Variants in LYN observed in about 807,000 individuals in gnomAD.
LYN encodes LYN proto-oncogene, Src family tyrosine kinase.
In LYN, 12 loss-of-function variants were observed where a neutral mutation model predicts 65.0. The observed-to-expected ratio is 0.18, with a 90% CI of 0.12 to 0.30. The LOEUF is 0.30. Among genes scored for constraint, LYN ranks in the 10% least tolerant of loss-of-function variants. The pLI is 1.00. For missense variants in LYN, 380 were observed against 623.2 expected (o/e 0.61, Z 4.16); for synonymous variants, 222 against 221.2 (o/e 1.00, Z -0.03).
intron 1 of LYN, among the ~76,000 whole-genome samples, chr8:55,931,262 T>C (rs919093670): frequency 6.7e-6 from 1 of 149,794 alleles, no homozygotes; most frequent in Non-Finnish European, 1.5e-5. Flanking sequence ...AATATGTATA[T>C]TGTTTACCTA....
intron 10 of LYN, among the ~76,000 whole-genome samples, chr8:55,992,120 C>T (rs892373863): frequency 1.1e-4 from 16 of 152,268 alleles, no homozygotes; most frequent in South Asian, 2.1e-4. Flanking sequence ...TCTTTGGTGT[C>T]GGCAGGTGGT....
intron 10 of LYN, among the ~76,000 whole-genome samples, chr8:55,995,250 G>A (rs917520401): frequency 2.0e-5 from 3 of 152,178 alleles, no homozygotes; most frequent in African/African-American, 7.2e-5. Flanking sequence ...GCCTTCACCT[G>A]GTTATCACCA....
intron 1 of LYN, among the ~76,000 whole-genome samples, chr8:55,926,717 G>A (rs1399703167): frequency 6.6e-6 from 1 of 152,232 alleles, no homozygotes; most frequent in African/African-American, 2.4e-5. Context: ...GCAACTTCTT[G>A]TAGAAATATT....
chr8:55,888,099 T>C (rs571204625), intron 1 of LYN, among the ~76,000 whole-genome samples: 40 of 152,306 alleles, frequency 2.6e-4, no homozygotes, highest in African/African-American at 9.1e-4. Flanking sequence ...TAGAACATTT[T>C]CTTAAAGAAC....
chr8:55,891,536 G>A (rs1330325885), intron 1 of LYN, among the ~76,000 whole-genome samples: 1 of 152,114 alleles, frequency 6.6e-6, no homozygotes, highest in East Asian at 1.9e-4. Flanking sequence ...GGGGCTTGAT[G>A]GGGGAGGGAA....
chr8:55,994,199 G>C (rs181139769), intron 10 of LYN, among the ~76,000 whole-genome samples: 1 of 152,196 alleles, frequency 6.6e-6, no homozygotes, highest in African/African-American at 2.4e-5. Context: ...AGAATAAAGA[G>C]AATGAATTAA....
intron 7 of LYN, among the ~76,000 whole-genome samples, chr8:55,953,037 A>G (rs1259800514): frequency 6.6e-6 from 1 of 152,144 alleles, no homozygotes; most frequent in East Asian, 1.9e-4. Context: ...GAGTCCCAAA[A>G]CACGGAGAGA....
At chr8:55,946,333 T>A in intron 2 of LYN, 115 bp from the exon 3 acceptor site, 1 of 747,716 alleles carries the variant, frequency 1.3e-6, no homozygotes. Context: ...CTTTCTGACT[T>A]AATAAATGAG....
At chr8:55,962,458 C>T (rs1165153417) in intron 8 of LYN, among the ~76,000 whole-genome samples, 1 of 151,804 alleles carries the variant, frequency 6.6e-6, no homozygotes, top group African/African-American at 2.4e-5. Context: ...TCATCTTCAT[C>T]TCATGTCGTG....
chr8:55,920,888 G>T (rs1428994191), intron 1 of LYN, among the ~76,000 whole-genome samples: 1 of 151,920 alleles, frequency 6.6e-6, no homozygotes, highest in African/African-American at 2.4e-5. Flanking sequence ...GTAGAGACAG[G>T]GTTTCACCAT....
intron 1 of LYN, among the ~76,000 whole-genome samples, chr8:55,890,131 A>T (rs1804913620): frequency 1.3e-5 from 2 of 150,106 alleles, no homozygotes; most frequent in African/African-American, 4.9e-5. Context: ...AAAAAAAAAA[A>T]AAAAAAAGAA....
Position 55,995,266 on chromosome 8 carries a change from C to A in LYN, c.1051-3080C>A, listed in dbSNP as rs184096736. Among the ~76,000 whole-genome samples the A allele has an allele frequency of 1.4e-3, 208 of 152,320 alleles. 1 individual carries two copies. The highest frequency in any genetic ancestry group is 2.2e-3 in the Non-Finnish European group (152 of 68,036). ...CCTTCACCTGGTTATCACCACTGCC[C>A]ACCTTCTGTTGACTTCCCATCAAGG... On this transcript the variant is annotated intron_variant, in intron 10 of 12. Transcript: ENST00000519728.
intron 8 of LYN, among the ~76,000 whole-genome samples, chr8:55,957,793 A>G (rs73590319): frequency 0.072 from 10,997 of 152,098 alleles, 784 homozygotes; most frequent in African/African-American, 0.19. Flanking sequence ...AAATACAAAA[A>G]AAAATTAGTT....
intron 1 of LYN, among the ~76,000 whole-genome samples, chr8:55,889,723 C>T (rs1442963335): frequency 1.3e-5 from 2 of 152,122 alleles, no homozygotes; most frequent in African/African-American, 4.8e-5. Flanking sequence ...GCCCAGAAAT[C>T]ACTCTGAATG....
intron 1 of LYN, among the ~76,000 whole-genome samples, chr8:55,894,960 G>A (rs956371638): frequency 1.3e-5 from 2 of 152,108 alleles, no homozygotes; most frequent in East Asian, 1.9e-4. Flanking sequence ...TGGGATTACA[G>A]GTGTGAGCCA....
chr8:55,970,518 G>A (rs1197386161), intron 10 of LYN, among the ~76,000 whole-genome samples: 2 of 152,132 alleles, frequency 1.3e-5, no homozygotes, highest in Non-Finnish European at 2.9e-5. Flanking sequence ...CTCAGTATTG[G>A]CAATCGGTGG....
chr8:55,978,951 C>T (rs984879349), intron 10 of LYN, among the ~76,000 whole-genome samples: 5 of 152,082 alleles, frequency 3.3e-5, no homozygotes, highest in African/African-American at 1.2e-4. Flanking sequence ...CCTCTGCTGC[C>T]GCTTTTCTCT....
intron 1 of LYN, chr8:55,895,710 A>G (rs776841850): frequency 6.6e-6 from 1 of 152,142 alleles, no homozygotes; most frequent in Admixed American, 6.5e-5. Flanking sequence ...TCCTTCATCT[A>G]ATGTTTTTCT....
intron 8 of LYN, among the ~76,000 whole-genome samples, chr8:55,954,779 G>A (rs1807055440): frequency 6.6e-6 from 1 of 152,010 alleles, no homozygotes; most frequent in African/African-American, 2.4e-5. Flanking sequence ...AGGCTGCAGT[G>A]GGCCGAGATG....
Sources: allele counts gnomAD v4.1 joint callset (sites outside exome capture counted in the v4.1 genomes callset), GRCh38; gene constraint gnomAD v4.1.1; transcripts MANE v1.5; gene names NCBI Gene and HGNC (gene_info 2026-07-23, HGNC 2026-07-21).